Variants in CD163 observed in about 807,000 individuals in gnomAD.
The protein encoded by CD163 is CD163 molecule.
A neutral mutation model predicts 129.2 loss-of-function variants in CD163; 64 were observed. The observed-to-expected ratio is 0.50, with a 90% CI of 0.41 to 0.61. The LOEUF (loss-of-function observed/expected upper bound fraction) is 0.61, where lower values mean the gene tolerates loss of function less well. CD163 is among the 20% of genes least tolerant of loss of function. The pLI, the probability that CD163 is intolerant of heterozygous loss-of-function variation, is 0.00. For synonymous variants in CD163, 446 were observed against 478.5 expected, an observed-to-expected ratio of 0.93 and a Z score of 0.89; for missense variants, 1,061 against 1,377.9, an observed-to-expected ratio of 0.77 and a Z score of 3.64.
chr12:7,501,996 A>G (rs1949496847), intron 2 of CD163, among the ~76,000 whole-genome samples: 1 of 152,206 alleles, frequency 6.6e-6, no homozygotes, highest in South Asian at 2.1e-4. Flanking sequence ...ATTTTCTACC[A>G]TAAAATAAAC....
intron 4 of CD163, 138 bp from the exon 5 acceptor site, chr12:7,497,271 A>G: frequency 1.5e-6 from 1 of 681,924 alleles, no homozygotes; most frequent in East Asian, 2.6e-5. Context: ...CTGTACTACC[A>G]CTGGAAATCA....
chr12:7,481,508 C>G (rs1310047708), intron 14 of CD163, among the ~76,000 whole-genome samples: 2 of 152,198 alleles, frequency 1.3e-5, no homozygotes, highest in Non-Finnish European at 2.9e-5. Flanking sequence ...AGCCAGCAGT[C>G]TTCCATAACT....
chr12:7,489,073 G>A (rs1002100766), intron 6 of CD163, among the ~76,000 whole-genome samples: 3 of 152,090 alleles, frequency 2.0e-5, no homozygotes, highest in Admixed American at 6.5e-5. Flanking sequence ...AACATAGAGA[G>A]GTGAGGTGTA....
intron 2 of CD163, among the ~76,000 whole-genome samples, chr12:7,502,092 T>G (rs907860848): frequency 6.6e-6 from 1 of 152,206 alleles, no homozygotes; most frequent in African/African-American, 2.4e-5. Flanking sequence ...AGGAATCTGG[T>G]CCCACCAACC....
At chr12:7,500,910 A>G (rs1949475558) in intron 3 of CD163, among the ~76,000 whole-genome samples, 1 of 152,146 alleles carries the variant, frequency 6.6e-6, no homozygotes, top group Non-Finnish European at 1.5e-5. Context: ...GGCTAAGATC[A>G]TGTATAAAAT....
rs1035442406 is a variant in CD163, at chr12:7,499,049, T to C, written c.597A>G (p.Gln199=). ...NIDHASVICR[Q]LECGSAVSFS... ...AACTGACAGCACTTCCACATTCAAG[T>C]TGTCTACAAATGACAGATGCATGAT... Residue 199 remains glutamine (Q), a synonymous_variant, in exon 4 of 17, where the codon CAA becomes CAG. Transcript: ENST00000432237. 6.2e-7 allele frequency: 1 copy of C among 1,614,178 alleles called. No individual in the cohort carries two copies.
chr12:7,503,140 G>A (rs1259778588), intron 1 of CD163, among the ~76,000 whole-genome samples: 3 of 152,002 alleles, frequency 2.0e-5, no homozygotes, highest in African/African-American at 7.2e-5. Context: ...ATTAAATCTT[G>A]TCATCTCTAC....
At chr12:7,488,667 G>A (rs969721060) in intron 6 of CD163, among the ~76,000 whole-genome samples, 4 of 152,050 alleles carry the variant, frequency 2.6e-5, no homozygotes, top group South Asian at 2.1e-4. Flanking sequence ...AGTTCTGTCC[G>A]TAACCTTCTC....
chr12:7,474,928 T>C (rs1469024019), intron 16 of CD163, among the ~76,000 whole-genome samples: 3 of 151,754 alleles, frequency 2.0e-5, no homozygotes, highest in Non-Finnish European at 4.4e-5. Context: ...CAAACTACCA[T>C]CAGAGAATGC....
At chr12:7,481,835 C>T (rs765091885) in intron 14 of CD163, among the ~76,000 whole-genome samples, 16 of 152,120 alleles carry the variant, frequency 1.1e-4, no homozygotes, top group Admixed American at 2.0e-4. Context: ...TTTCTCCCCC[C>T]GCCCCTCAGG....
At chr12:7,503,578 C>A in intron 1 of CD163, 67 bp downstream of exon 1, 1 of 1,035,364 alleles carries the variant, frequency 9.7e-7, no homozygotes, top group East Asian at 2.4e-5. Context: ...AAATCACATC[C>A]ATTGACTGTC....
chr12:7,480,267 T>C, intron 15 of CD163: 1 of 298,858 alleles, frequency 3.3e-6, no homozygotes, highest in Non-Finnish European at 6.1e-6. Context: ...TCAGGGACCC[T>C]TCATGGAGTA....
Position 7,487,368 on chromosome 12 carries a change from T to C in CD163, c.2041A>G (p.Ile681Val), listed in dbSNP as rs953497216. The change falls in exon 8 of 17, where the codon ATC becomes GTC. Residue 681 changes from isoleucine (I) to valine (V), a missense_variant. Physicochemically the swap from Ile to Val is conservative, Grantham distance 29. Coordinates refer to ENST00000432237, the MANE Select transcript of CD163 (RefSeq NM_203416.4). This position sits in a 1 kb window ranked among gnomAD's most constrained non-coding sequence, Gnocchi z 5.1. Reference protein sequence around the residue: ...LCPSEQVASVICSGNQSQTLS... With the variant: ...LCPSEQVASVVCSGNQSQTLS... ...CCCGTCATCCTCTTACCTGAGCAGA[T>C]TACAGAGGCCACTTGCTCTGAAGGA... The C allele has an allele frequency of 1.9e-6, 3 of 1,586,492 alleles. No individual in the cohort carries two copies. The highest frequency in any genetic ancestry group is 4.5e-5 in the East Asian group (2 of 44,730).
rs776564335 is a variant in CD163 at position 7,486,685 on chromosome 12, T to C, written c.2272A>G (p.Arg758Gly). ...ATGGCCTCTCCACAGCCCAGCTGTC[T>C]GCAAACCACGTGGGCATCACTCAGG... ...WDLSDAHVVC[R>G]QLGCGEAINA... The change falls in exon 10 of 17, where the codon AGA becomes GGA. Residue 758 changes from arginine (R) to glycine (G), a missense_variant. Transcript: ENST00000432237. 1.9e-6 allele frequency: 3 copies of C among 1,614,190 alleles called. No homozygotes were observed. The highest frequency in any genetic ancestry group is 2.5e-6 in the Non-Finnish European group (3 of 1,180,028).
intron 6 of CD163, among the ~76,000 whole-genome samples, chr12:7,492,211 GT>G (rs1304285201): frequency 6.6e-6 from 1 of 152,082 alleles, no homozygotes; most frequent in African/African-American, 2.4e-5. Flanking sequence ...TAACAAAAGA[GT>G]TTGTAAAAGG....
intron 2 of CD163, among the ~76,000 whole-genome samples, chr12:7,502,250 A>G (rs554668395): frequency 7.2e-5 from 11 of 152,308 alleles, no homozygotes; most frequent in African/African-American, 2.6e-4. Flanking sequence ...TCTAATCTTT[A>G]AGTAAAATTC....
At chr12:7,483,758 C>T in intron 11 of CD163, 83 bp from the exon 12 acceptor site, 2 of 568,052 alleles carry the variant, frequency 3.5e-6, no homozygotes, top group South Asian at 5.8e-5. Flanking sequence ...AGATTTGAAA[C>T]TTAAAAAAAA....
intron 16 of CD163, among the ~76,000 whole-genome samples, chr12:7,478,878 C>T (rs767776016): frequency 6.6e-6 from 1 of 151,996 alleles, no homozygotes; most frequent in East Asian, 1.9e-4. Flanking sequence ...ATGTAGTCTT[C>T]CCCAAATTAT....
In CD163 at chr12:7,481,030, A is replaced by G. The variant is rs1949154914; in HGVS notation, c.3343+131T>C. ...GAATAATTTTCAGTCATTCTTGTCCATTATATGCATCTAAGCTTCCTATTA... is the reference window on the plus strand; with the variant it reads ...GAATAATTTTCAGTCATTCTTGTCCGTTATATGCATCTAAGCTTCCTATTA... On this transcript the variant is annotated intron_variant, in intron 15 of 16. Coordinates refer to ENST00000432237, the MANE Select transcript of CD163 (RefSeq NM_203416.4). 8 of 1,415,258 alleles carry G rather than the reference A, an allele frequency of 5.7e-6. No homozygotes were observed. In the African/African-American group the frequency reaches 1.1e-4, roughly 20 times the overall value. 87.7% of individuals were successfully genotyped at this position (1,415,258 alleles called of 1,614,324 possible).
Sources: gnomAD v4.1 joint callset for allele counts (sites outside exome capture counted in the v4.1 genomes callset) on GRCh38, gnomAD v4.1.1 for gene constraint, Gnocchi (gnomAD v3.1) non-coding constraint, MANE v1.5 for transcripts, NCBI Gene and HGNC (gene_info 2026-07-23, HGNC 2026-07-21) for gene names.